The following CCSER1 variants were observed in gnomAD, a reference collection of about 807,000 sequenced individuals.
The protein encoded by CCSER1 is serine-rich coiled-coil domain-containing protein 1.
Under a neutral mutation model 82.0 loss-of-function variants are expected in CCSER1, and 41 were observed. The ratio of observed to expected loss-of-function variants is 0.50; its 90% CI spans 0.39 to 0.65. CCSER1 has a LOEUF of 0.65. CCSER1 is among the 30% of genes least tolerant of loss of function. The pLI is 0.00. For synonymous variants in CCSER1, 414 were observed against 383.9 expected (o/e 1.08, Z -0.92); for missense variants, 1,119 against 1,064.2 (o/e 1.05, Z -0.72).
intron 5 of CCSER1, among the ~76,000 whole-genome samples, chr4:90,524,824 G>A (rs1336251045): frequency 1.3e-5 from 2 of 151,962 alleles, no homozygotes; most frequent in Non-Finnish European, 2.9e-5. Flanking sequence ...GTCCTCGCAT[G>A]CTCTTGTTGT....
chr4:91,245,205 A>G (rs1739672178), intron 10 of CCSER1, among the ~76,000 whole-genome samples: 1 of 152,198 alleles, frequency 6.6e-6, no homozygotes, highest in Admixed American at 6.5e-5. Flanking sequence ...AGGTAGAGAA[A>G]GATATAGTGG....
intron 10 of CCSER1, among the ~76,000 whole-genome samples, chr4:91,121,258 A>G (rs1348711785): frequency 1.3e-5 from 2 of 151,666 alleles, no homozygotes; most frequent in Non-Finnish European, 3.0e-5. Context: ...TTTAATTATT[A>G]GTTTCATAAT....
At chr4:90,845,750 A>T (rs144697608) in intron 8 of CCSER1, among the ~76,000 whole-genome samples, 79 of 152,138 alleles carry the variant, frequency 5.2e-4, no homozygotes, top group African/African-American at 1.8e-3. Flanking sequence ...GTATATTTTC[A>T]GTATGTGAAC....
intron 5 of CCSER1, among the ~76,000 whole-genome samples, chr4:90,615,275 G>T (rs2148844018): frequency 6.6e-6 from 1 of 152,316 alleles, no homozygotes. Context: ...CATCCATTCT[G>T]TAGCTCATGG....
chr4:91,109,292 A>G (rs1315759115), intron 10 of CCSER1, among the ~76,000 whole-genome samples: 2 of 152,154 alleles, frequency 1.3e-5, no homozygotes, highest in South Asian at 2.1e-4. Context: ...CCTCTCATCT[A>G]TCTATCTATT....
chr4:90,414,049 G>T (rs111880886), intron 4 of CCSER1, among the ~76,000 whole-genome samples: 1 of 112,526 alleles, frequency 8.9e-6, no homozygotes, highest in Non-Finnish European at 1.8e-5. Context: ...AATAATGATA[G>T]AAATAAAATA....
chr4:91,402,225 C>T lies in CCSER1; in HGVS notation c.2218-196347C>T, dbSNP rs563123439. 2.0e-5 allele frequency among the ~76,000 whole-genome samples: 3 copies of T among 152,188 alleles called. No homozygotes were observed. The East Asian group carries it at 5.8e-4, about 29-fold the overall frequency. ...GAGAAGTGTCTGTTCATATCCTTTG[C>T]CCAGTTTTTGATGGGGTTGATTTTT... On this transcript the variant is annotated intron_variant, in intron 10 of 10. Coordinates refer to ENST00000509176, the MANE Select transcript of CCSER1 (RefSeq NM_001145065.2).
chr4:91,181,652 A>T (rs1434429026), intron 10 of CCSER1, among the ~76,000 whole-genome samples: 1 of 152,154 alleles, frequency 6.6e-6, no homozygotes, highest in African/African-American at 2.4e-5. Flanking sequence ...GAGAGGTGCA[A>T]GTCAAGCTAA....
At chr4:91,160,278 C>T (rs182600464) in intron 10 of CCSER1, among the ~76,000 whole-genome samples, 1,741 of 152,288 alleles carry the variant, frequency 0.011, 27 homozygotes, top group African/African-American at 0.039. Context: ...GCCACATTTT[C>T]TTAATCCAGT....
intron 10 of CCSER1, among the ~76,000 whole-genome samples, chr4:91,567,411 G>GT: frequency 6.6e-6 from 1 of 151,898 alleles, no homozygotes; most frequent in Non-Finnish European, 1.5e-5. Flanking sequence ...TTGGTCCAAT[G>GT]TTGAATTCAG....
intron 5 of CCSER1, among the ~76,000 whole-genome samples, chr4:90,574,924 G>A (rs186622087): frequency 3.4e-3 from 513 of 152,116 alleles, no homozygotes; most frequent in Non-Finnish European, 5.8e-3. Context: ...GGGAGGAGCC[G>A]AAAGTATTTA....
chr4:90,157,920 A>G (rs1000751665), intron 1 of CCSER1, among the ~76,000 whole-genome samples: 1 of 152,176 alleles, frequency 6.6e-6, no homozygotes. Flanking sequence ...CTGGTGAGGA[A>G]CTATGTTCCT....
At chr4:91,490,909 TATATATATATATATATATAA>T (rs1758493052) in intron 10 of CCSER1, among the ~76,000 whole-genome samples, 1 of 79,054 alleles carries the variant, frequency 1.3e-5, no homozygotes, top group African/African-American at 5.5e-5. Flanking sequence ...TATATATATA[TATATATATATATATATATAA>T]AATATGCGTC....
chr4:90,477,108 C>T (rs941118781), intron 5 of CCSER1, among the ~76,000 whole-genome samples: 2 of 152,024 alleles, frequency 1.3e-5, no homozygotes, highest in Admixed American at 6.6e-5. Context: ...TGAAAAAAAT[C>T]GATTTGCAAA....
chr4:91,575,840 AC>A lies in CCSER1; in HGVS notation c.2218-22731del, dbSNP rs199975343. Among the ~76,000 whole-genome samples, 59 of 152,112 alleles carry A rather than the reference AC, an allele frequency of 3.9e-4. No homozygotes were observed. The East Asian group carries it at 0.011, about 27-fold the overall frequency. The stretch of plus-strand genomic sequence containing the variant: ...TTTTAGAATGACTATTATAAAAAAG[AC>A]AAAATATAAAAAGGGTTGGAAGGGG... On this transcript the variant is annotated intron_variant, in intron 10 of 10. Transcript: ENST00000509176.
At chr4:91,179,135 C>G (rs866435643) in intron 10 of CCSER1, among the ~76,000 whole-genome samples, 2 of 152,210 alleles carry the variant, frequency 1.3e-5, no homozygotes, top group Admixed American at 6.5e-5. Flanking sequence ...GGCCCCCACT[C>G]TCTTCTGGCT....
chr4:91,305,844 A>G (rs1745027725), intron 10 of CCSER1, among the ~76,000 whole-genome samples: 1 of 152,002 alleles, frequency 6.6e-6, no homozygotes, highest in Non-Finnish European at 1.5e-5. Context: ...ACACGGCAGC[A>G]GGCAGAAGAG....
chr4:91,225,430 T>C (rs1456732801), intron 10 of CCSER1, among the ~76,000 whole-genome samples: 1 of 145,208 alleles, frequency 6.9e-6, no homozygotes, highest in East Asian at 2.0e-4. Flanking sequence ...TATACAGTAT[T>C]TCTTAAATTT....
intron 5 of CCSER1, among the ~76,000 whole-genome samples, chr4:90,475,997 C>T (rs1395560950): frequency 6.6e-6 from 1 of 151,538 alleles, no homozygotes; most frequent in Non-Finnish European, 1.5e-5. Context: ...TAGAAGCAAT[C>T]CTGGAAATTT....
Sources: gnomAD v4.1 joint callset for allele counts (sites outside exome capture counted in the v4.1 genomes callset) on GRCh38, gnomAD v4.1.1 for gene constraint, MANE v1.5 for transcripts, NCBI Gene and HGNC (gene_info 2026-07-23, HGNC 2026-07-21) for gene names.